SCUBE1: variants seen among roughly 807,000 people sequenced by gnomAD.
The protein encoded by SCUBE1 is signal peptide, CUB domain and EGF like domain containing 1, also known as signal peptide, CUB and EGF-like domain-containing protein 1.
In SCUBE1, 59 loss-of-function variants were observed where a neutral mutation model predicts 124.4. The ratio of observed to expected loss-of-function variants is 0.47; its 90% CI spans 0.38 to 0.59. SCUBE1 has a LOEUF of 0.59. Ranked by LOEUF, SCUBE1 falls within the 20% of genes least tolerant of loss-of-function variation. The probability of loss-of-function intolerance (pLI) is 0.00; values close to 1 mark genes in which losing one functional copy is unlikely to be tolerated. For synonymous variants in SCUBE1, 545 were observed against 550.9 expected, an observed-to-expected ratio of 0.99 and a Z score of 0.15; for missense variants, 1,150 against 1,371.2, an observed-to-expected ratio of 0.84 and a Z score of 2.55.
chr22:43,271,126 G>A (rs370359872), intron 4 of SCUBE1, among the ~76,000 whole-genome samples: 14 of 152,178 alleles, frequency 9.2e-5, no homozygotes, highest in African/African-American at 3.4e-4. Flanking sequence ...CTGTTTCTGT[G>A]TCACCTCTTC....
chr22:43,269,422 G>A (rs766602959), intron 4 of SCUBE1, among the ~76,000 whole-genome samples: 7 of 152,186 alleles, frequency 4.6e-5, no homozygotes, highest in South Asian at 4.1e-4. Flanking sequence ...AGGGCAGTGC[G>A]GCCCAGCGTG....
At chr22:43,214,047 G>GGGCCCCCCCCCCCCC in intron 16 of SCUBE1, 43 bp downstream of exon 16, 1 of 143,438 alleles carries the variant, frequency 7.0e-6, no homozygotes, top group Non-Finnish European at 1.3e-5. Flanking sequence ...AGGAGCCCCC[G>GGGCCCCCCCCCCCCC]CCCACCCCCC....
At chr22:43,218,125 G>A (rs1229486429) in intron 15 of SCUBE1, 130 bp downstream of exon 15, 8 of 823,824 alleles carry the variant, frequency 9.7e-6, no homozygotes, top group African/African-American at 5.0e-5. Context: ...CCTTCTCCCC[G>A]GCAGGCCTCT....
intron 7 of SCUBE1, among the ~76,000 whole-genome samples, chr22:43,232,864 C>A (rs1255327432): frequency 6.6e-6 from 1 of 152,202 alleles, no homozygotes; most frequent in Middle Eastern, 3.2e-3. Context: ...TGCCCTTAGG[C>A]CTTGGGCCAG....
At position 43,268,283 on chromosome 22, in the gene SCUBE1, G is replaced by A. The variant is rs1457371295; in HGVS notation, c.485-5438C>T. On this transcript the variant is annotated intron_variant, in intron 4 of 21. Transcript: ENST00000360835. ...ATTTGTGTCACGTCTGCTCTTGGGA[G>A]CCATAGGACAGCTCCCTTGACCTAG... Among the ~76,000 whole-genome samples, 5 of 152,246 alleles carry A rather than the reference G, an allele frequency of 3.3e-5. No individual in the cohort carries two copies. The East Asian group carries it at 9.6e-4, about 29-fold the overall frequency.
intron 2 of SCUBE1, among the ~76,000 whole-genome samples, chr22:43,337,605 G>A (rs978145008): frequency 1.1e-4 from 17 of 152,192 alleles, no homozygotes; most frequent in African/African-American, 3.1e-4. Flanking sequence ...GTGGGTAGGC[G>A]CCAGCTCCCC....
Position 43,220,478 on chromosome 22 carries a change from C to T in SCUBE1, c.1659G>A (p.Glu553=), listed in dbSNP as rs139822522. 6 of 1,614,126 alleles carry T rather than the reference C, an allele frequency of 3.7e-6. No individual in the cohort carries two copies. The highest frequency in any genetic ancestry group is 5.1e-6 in the Non-Finnish European group (6 of 1,180,000). ...KEVSHITAEF[E]IETKMEEASD... ...AGGCCTCTTCCATCTTTGTCTCGAT[C>T]TCAAACTCTGCTGTGATGTGGGACA... The change falls in exon 14 of 22, where the codon GAG becomes GAA. Residue 553 remains glutamate, a synonymous_variant. Transcript: ENST00000360835.
chr22:43,274,963 G>A (rs1924443734), intron 4 of SCUBE1, among the ~76,000 whole-genome samples: 1 of 152,204 alleles, frequency 6.6e-6, no homozygotes. Context: ...CCACTTTGGG[G>A]ACATAAGCCA....
chr22:43,281,415 C>T (rs377201301), intron 4 of SCUBE1, among the ~76,000 whole-genome samples: 17 of 96,018 alleles, frequency 1.8e-4, no homozygotes, highest in East Asian at 2.1e-3. Flanking sequence ...CCTCCCTCAG[C>T]CATCCTCCTG....
At chr22:43,302,924 C>A (rs910387481) in intron 3 of SCUBE1, among the ~76,000 whole-genome samples, 1 of 152,164 alleles carries the variant, frequency 6.6e-6, no homozygotes, top group African/African-American at 2.4e-5. Flanking sequence ...TACCTCCAGG[C>A]CGGTGGATGG....
intron 2 of SCUBE1, among the ~76,000 whole-genome samples, chr22:43,336,588 G>C (rs543306477): frequency 2.2e-4 from 34 of 152,308 alleles, no homozygotes; most frequent in Admixed American, 1.6e-3. Context: ...CGGTATGGTG[G>C]CCCTTACAGC....
chr22:43,339,183 A>G lies in SCUBE1; in HGVS notation c.141T>C (p.Asp47=). The G allele has an allele frequency of 6.2e-7, 1 of 1,613,868 alleles. No homozygotes were observed. Among genetic ancestry groups the G allele is most frequent in the Non-Finnish European group, 8.5e-7 (1 of 1,179,812 alleles). The part of the protein sequence containing the change: ...CSEGTDDCHI[D]AICQNTPKSY... ...ACTTGGGCGTGTTCTGACAGATGGC[A>G]TCGATGTGGCAGTCATCTGTGCCCT... Residue 47 remains aspartate (D), a synonymous_variant, in exon 2 of 22, where the codon GAT becomes GAC. Coordinates refer to ENST00000360835, the MANE Select transcript of SCUBE1 (RefSeq NM_173050.5).
At chr22:43,209,632 G>GT (rs1921451849) in intron 19 of SCUBE1, among the ~76,000 whole-genome samples, 3 of 152,230 alleles carry the variant, frequency 2.0e-5, no homozygotes, top group Non-Finnish European at 4.4e-5. Context: ...CGGCCGTGTG[G>GT]TCCCCCAAAC....
intron 9 of SCUBE1, among the ~76,000 whole-genome samples, chr22:43,228,691 C>T (rs1445888861): frequency 6.6e-6 from 1 of 152,142 alleles, no homozygotes; most frequent in Non-Finnish European, 1.5e-5. Context: ...TTGAGGATCC[C>T]GAATTGCCCC....
At chr22:43,336,895 C>G (rs1927099269) in intron 2 of SCUBE1, among the ~76,000 whole-genome samples, 1 of 152,042 alleles carries the variant, frequency 6.6e-6, no homozygotes, top group South Asian at 2.1e-4. Flanking sequence ...AAAATCTGAG[C>G]TGGGGCTCAC....
In SCUBE1 at chr22:43,258,127, G is replaced by A. The variant is rs191253716; in HGVS notation, c.727+92C>T. 7.7e-5 allele frequency: 69 copies of A among 897,692 alleles called. No individual in the cohort carries two copies. In the East Asian group the frequency reaches 1.4e-3, roughly 18 times the overall value. The allele number at this position is 897,692 out of a possible 1,614,324, so 55.6% of individuals were successfully genotyped here. A position where few individuals can be genotyped will look rare whatever the true frequency, so the allele number is the denominator to read the frequency against. ...CCTGAAGCTTCCTTCCGGGGAACCCGGACGTGGCAGGGTGCTGGCCCTGCT... is the reference window on the plus strand; with the variant it reads ...CCTGAAGCTTCCTTCCGGGGAACCCAGACGTGGCAGGGTGCTGGCCCTGCT... On this transcript the variant is annotated intron_variant, in intron 6 of 21. Coordinates refer to ENST00000360835, the MANE Select transcript of SCUBE1 (RefSeq NM_173050.5). The surrounding 1 kb of genome is among the most constrained non-coding windows in gnomAD (Gnocchi z 5.0).
rs765663702 is a variant in SCUBE1 at position 43,299,413 on chromosome 22, A to C, written c.350-8233T>G. On this transcript the variant is annotated intron_variant, in intron 3 of 21. Transcript: ENST00000360835. Reference sequence around the variant, plus strand: ...ACCCGCCTCAGCCTTCTGGTCTCCAAGTGAAGCCGCTCGGCTCCTGACACT... The same window carrying C: ...ACCCGCCTCAGCCTTCTGGTCTCCACGTGAAGCCGCTCGGCTCCTGACACT... 3.3e-5 allele frequency among the ~76,000 whole-genome samples: 5 copies of C among 152,328 alleles called. No individual in the cohort carries two copies. In the South Asian group the frequency reaches 8.3e-4, roughly 25 times the overall value.
chr22:43,221,223 C>T lies in SCUBE1; in HGVS notation c.1499G>A (p.Arg500Gln), dbSNP rs150431448. ...FKIRDAKCHL[R>Q]PHSQARAKET... ...CTTTGCTCGTGCCTGGCTGTGGGGC[C>T]GGAGGTGGCACTTGGCATCTCGGAT... Residue 500 changes from arginine to glutamine, a missense_variant, in exon 13 of 22, where the codon CGG becomes CAG. By Grantham distance (43) the Arg-to-Gln change is conservative. Around this residue, in one of 3 missense-constraint regions of SCUBE1, gnomAD observed 757 missense variants for 840.9 expected, o/e 0.90. Transcript: ENST00000360835. 601 of 1,610,894 alleles carry T rather than the reference C, an allele frequency of 3.7e-4. No individual in the cohort carries two copies. Among genetic ancestry groups the T allele is most frequent in the Admixed American group, 3.5e-4 (21 of 59,942 alleles).
intron 2 of SCUBE1, among the ~76,000 whole-genome samples, chr22:43,331,042 T>C (rs528948550): frequency 4.6e-4 from 70 of 152,310 alleles, no homozygotes; most frequent in African/African-American, 1.6e-3. Context: ...ATAATGATGA[T>C]GAAAATGATT....
Sources: gnomAD v4.1 joint callset for allele counts (sites outside exome capture counted in the v4.1 genomes callset) on GRCh38, gnomAD v4.1.1 for gene constraint, gnomAD v4.1.1 regional missense constraint, Gnocchi (gnomAD v3.1) non-coding constraint, MANE v1.5 for transcripts, NCBI Gene and HGNC (gene_info 2026-07-23, HGNC 2026-07-21) for gene names.